The following CPLANE1 variants were observed in gnomAD, a reference collection of about 807,000 sequenced individuals.
CPLANE1 encodes ciliogenesis and planar polarity effector 1.
CPLANE1 carries 263 observed loss-of-function variants against 362.5 expected under a neutral mutation model. The observed-to-expected ratio is 0.73, with a 90% CI of 0.66 to 0.80. The LOEUF (loss-of-function observed/expected upper bound fraction) is 0.80, where lower values mean the gene tolerates loss of function less well. Among genes scored for constraint, CPLANE1 ranks in the 30% least tolerant of loss-of-function variants. The pLI, the probability that CPLANE1 is intolerant of heterozygous loss-of-function variation, is 0.00. For missense variants in CPLANE1, 3,461 were observed against 3,793.4 expected, an observed-to-expected ratio of 0.91 and a Z score of 2.30; for synonymous variants, 1,212 against 1,302.6, an observed-to-expected ratio of 0.93 and a Z score of 1.50.
rs776036175 is a variant in CPLANE1 at position 37,182,797 on chromosome 5, T to C, written c.5384A>G (p.Tyr1795Cys). 3 of 1,613,380 alleles carry C rather than the reference T, an allele frequency of 1.9e-6. No individual in the cohort carries two copies. Among genetic ancestry groups the C allele is most frequent in the Admixed American group, 1.7e-5 (1 of 59,876 alleles). Residue 1795 changes from tyrosine (Y) to cysteine (C), a missense_variant, in exon 26 of 53, where the codon TAT (tyrosine) becomes TGT (cysteine). Physicochemically the swap from Tyr to Cys is radical, Grantham distance 194 (BLOSUM62 -2). This residue lies in a region of CPLANE1 where 3,380 missense variants were observed against 3,666.1 expected (regional missense o/e 0.92). Coordinates refer to ENST00000651892, the MANE Select transcript of CPLANE1 (RefSeq NM_001384732.1). ...LTSLWLLEQP[Y>C]FATYKAKNAI... ...ATTTTTTGCCTTATATGTAGCAAAA[T>C]AGGGTTGTTCCAAAAGCCATAATGA...
intron 6 of CPLANE1, among the ~76,000 whole-genome samples, chr5:37,242,807 G>GCA (rs147619603): frequency 2.9e-5 from 3 of 102,822 alleles, no homozygotes; most frequent in African/African-American, 5.5e-5. Context: ...CAGGAGGACT[G>GCA]CTTGAGCCCA....
chr5:37,122,370 A>C, intron 48 of CPLANE1, 60 bp downstream of exon 48: 1 of 1,319,186 alleles, frequency 7.6e-7, no homozygotes, highest in Non-Finnish European at 1.1e-6. Context: ...TAAGGCATTA[A>C]TCTATGCCTC....
intron 16 of CPLANE1, among the ~76,000 whole-genome samples, chr5:37,207,985 G>A (rs1231950193): frequency 6.6e-6 from 1 of 151,810 alleles, no homozygotes; most frequent in Non-Finnish European, 1.5e-5. Context: ...AGACAGTCTT[G>A]CTCTGTCATC....
At chr5:37,179,893 T>C in intron 28 of CPLANE1, 124 bp downstream of exon 28, 1 of 534,026 alleles carries the variant, frequency 1.9e-6, no homozygotes, top group Non-Finnish European at 3.1e-6. Flanking sequence ...CTCTTAATTT[T>C]TTATTTTAGG....
intron 15 of CPLANE1, among the ~76,000 whole-genome samples, chr5:37,216,283 C>T (rs1794073647): frequency 6.6e-6 from 1 of 152,178 alleles, no homozygotes; most frequent in South Asian, 2.1e-4. Flanking sequence ...GAGGCTCATG[C>T]CTGTAATCCC....
chr5:37,179,606 T>A (rs1782127440), intron 28 of CPLANE1, among the ~76,000 whole-genome samples, 163 bp from the exon 29 acceptor site: 1 of 152,228 alleles, frequency 6.6e-6, no homozygotes, highest in Non-Finnish European at 1.5e-5. Flanking sequence ...CTATTCCATC[T>A]TCATCAGGTA....
In CPLANE1 at chr5:37,245,673, T is replaced by C. The variant is rs368589551; in HGVS notation, c.217+37A>G. 1.0e-5 allele frequency: 15 copies of C among 1,473,498 alleles called. No homozygotes were observed. In the African/African-American group the frequency reaches 1.7e-4, roughly 17 times the overall value. The allele number at this position is 1,473,498 out of a possible 1,614,324, so 91.3% of individuals were successfully genotyped here. ...CATCACCCTAAGTTATTAAAAAATA[T>C]AGTTTTAGCCATTTGAAAATATCAG... On this transcript the variant is annotated intron_variant, in intron 3 of 52. Coordinates refer to ENST00000651892, the MANE Select transcript of CPLANE1 (RefSeq NM_001384732.1).
At chr5:37,155,933 T>C (rs920667832) in intron 41 of CPLANE1, among the ~76,000 whole-genome samples, 4 of 152,216 alleles carry the variant, frequency 2.6e-5, no homozygotes, top group Non-Finnish European at 5.9e-5. Context: ...GTCTGAAAGA[T>C]TGCTAGCTTC....
In CPLANE1 at chr5:37,158,318, A is replaced by G. The variant is rs1580268882; in HGVS notation, c.7718T>C (p.Leu2573Pro). The change falls in exon 39 of 53, where the codon CTC (leucine) becomes CCC (proline). Residue 2573 changes from leucine (L) to proline (P), a missense_variant. Coordinates refer to ENST00000651892, the MANE Select transcript of CPLANE1 (RefSeq NM_001384732.1). ...ATTTAGATAGACATCTGGGACCAAG[A>G]GCTGAGGAGCAGTCAAAGGCTCATG... ...PEHEPLTAPQLLVPDVYLNLK... is the reference protein window; with the variant it reads ...PEHEPLTAPQPLVPDVYLNLK... 2 of 1,613,758 alleles carry G rather than the reference A, an allele frequency of 1.2e-6. No individual in the cohort carries two copies. The highest frequency in any genetic ancestry group is 1.7e-4 in the Middle Eastern group (1 of 6,058).
Position 37,227,026 on chromosome 5 carries a change from G to C in CPLANE1, c.1569C>G (p.Asn523Lys), listed in dbSNP as rs1796606111. ...CTCTTTTGTTCCAAAAAGGACATAA[G>C]TTGTCTGGAAAGTGTCTGCCTTCGT... ...ETNEGRHFPDNLCPFWNKRDD... is the reference protein window; with the variant it reads ...ETNEGRHFPDKLCPFWNKRDD... The change falls in exon 12 of 53, where the codon AAC becomes AAG. Residue 523 changes from asparagine to lysine, a missense_variant. Physicochemically the swap from Asn to Lys is moderately conservative, Grantham distance 94. Coordinates refer to ENST00000651892, the MANE Select transcript of CPLANE1 (RefSeq NM_001384732.1). The C allele has an allele frequency of 1.3e-6, 2 of 1,548,370 alleles. No homozygotes were observed. The highest frequency in any genetic ancestry group is 1.7e-6 in the Non-Finnish European group (2 of 1,146,214).
intron 41 of CPLANE1, among the ~76,000 whole-genome samples, chr5:37,156,659 A>T (rs1269309158): frequency 1.3e-5 from 2 of 152,302 alleles, no homozygotes; most frequent in East Asian, 3.9e-4. Flanking sequence ...AAATATATAT[A>T]GTCTTCTAAA....
At chr5:37,187,309 G>T (rs1408868137) in intron 23 of CPLANE1, 105 bp downstream of exon 23, 1 of 938,310 alleles carries the variant, frequency 1.1e-6, no homozygotes, top group Non-Finnish European at 1.6e-6. Context: ...TATGCTAAGT[G>T]AAATAATCCA....
At chr5:37,171,110 A>G (rs1465415134) in intron 32 of CPLANE1, among the ~76,000 whole-genome samples, 2 of 152,214 alleles carry the variant, frequency 1.3e-5, no homozygotes, top group Non-Finnish European at 2.9e-5. Context: ...TCACCTGAGA[A>G]GTATTTATAA....
chr5:37,120,204 T>G lies in CPLANE1; in HGVS notation c.9310+12A>C. The G allele has an allele frequency of 3.1e-6, 5 of 1,593,886 alleles. No homozygotes were observed. In the South Asian group the frequency reaches 5.8e-5, roughly 19 times the overall value. On this transcript the variant is annotated intron_variant, in intron 50 of 52. Transcript: ENST00000651892. ...CAAATCAGACAATTTATAAAAAAGC[T>G]TTAAGTCTTACCATGTGGCCAAGGT...
chr5:37,142,284 G>A (rs1443260992), intron 44 of CPLANE1, 26 bp downstream of exon 44: 10 of 1,503,330 alleles, frequency 6.7e-6, no homozygotes, highest in Admixed American at 2.3e-5. Flanking sequence ...AAGAGTATGT[G>A]TAAATGAAAA....
At chr5:37,119,293 A>G (rs1429801422) in intron 50 of CPLANE1, among the ~76,000 whole-genome samples, 2 of 152,200 alleles carry the variant, frequency 1.3e-5, no homozygotes, top group African/African-American at 2.4e-5. Flanking sequence ...TCAAATGCCT[A>G]TATCTTTAGC....
intron 18 of CPLANE1, among the ~76,000 whole-genome samples, chr5:37,203,182 CTTTGTAG>C (rs1432969789): frequency 6.6e-6 from 1 of 152,110 alleles, no homozygotes; most frequent in Non-Finnish European, 1.5e-5. Context: ...AGTTATACTT[CTTTGTAG>C]TCAATTCCCT....
chr5:37,242,069 T>C (rs912226507), intron 6 of CPLANE1, among the ~76,000 whole-genome samples: 1 of 152,178 alleles, frequency 6.6e-6, no homozygotes, highest in Admixed American at 6.6e-5. Context: ...ATAATGCATA[T>C]TTTCGGCTGG....
At chr5:37,163,092 C>T (rs1022687066) in intron 37 of CPLANE1, among the ~76,000 whole-genome samples, 8 of 151,866 alleles carry the variant, frequency 5.3e-5, no homozygotes, top group Non-Finnish European at 1.0e-4. Context: ...CCTAGATATT[C>T]TTCTGGCTAA....
Sources: gnomAD v4.1 joint callset for allele counts (sites outside exome capture counted in the v4.1 genomes callset) on GRCh38, gnomAD v4.1.1 for gene constraint, gnomAD v4.1.1 regional missense constraint, MANE v1.5 for transcripts, NCBI Gene and HGNC (gene_info 2026-07-23, HGNC 2026-07-21) for gene names.